IL12RB2: variants seen among roughly 807,000 people sequenced by gnomAD.
IL12RB2 encodes the protein interleukin 12 receptor subunit beta 2.
IL12RB2 carries 82 observed loss-of-function variants against 89.4 expected under a neutral mutation model. That is an observed-to-expected ratio of 0.92 (90% CI 0.77 to 1.10). The LOEUF (loss-of-function observed/expected upper bound fraction) is 1.10. IL12RB2 is among the 50% of genes least tolerant of loss of function. The probability of loss-of-function intolerance (pLI) is 0.00; values close to 1 mark genes in which losing one functional copy is unlikely to be tolerated. For missense variants in IL12RB2, 963 were observed against 1,031.9 expected, an observed-to-expected ratio of 0.93 and a Z score of 0.92; for synonymous variants, 368 against 370.1, an observed-to-expected ratio of 0.99 and a Z score of 0.07.
At chr1:67,311,507 C>T (rs1274057556) in intron 1 of IL12RB2, among the ~76,000 whole-genome samples, 1 of 152,170 alleles carries the variant, frequency 6.6e-6, no homozygotes, top group Non-Finnish European at 1.5e-5. Flanking sequence ...GAATAGGATA[C>T]TAATCATTAC....
At chr1:67,310,455 G>T (rs1161069312) in intron 1 of IL12RB2, among the ~76,000 whole-genome samples, 2 of 152,162 alleles carry the variant, frequency 1.3e-5, no homozygotes, top group Non-Finnish European at 2.9e-5. Context: ...TGTCTTAAAT[G>T]ATAGGTGGCA....
In IL12RB2 at chr1:67,345,746, T is replaced by C. The variant is rs180769001; in HGVS notation, c.1039-5124T>C. 1.6e-4 allele frequency among the ~76,000 whole-genome samples: 25 copies of C among 152,330 alleles called. No individual in the cohort carries two copies. In the East Asian group the frequency reaches 3.5e-3, roughly 21 times the overall value. Reference sequence around the variant, plus strand: ...CAGGCAGGCACAGCATTTCCAAAGATATTTTTGGAAAGAAAGGGCTGCTTT... The same window carrying C: ...CAGGCAGGCACAGCATTTCCAAAGACATTTTTGGAAAGAAAGGGCTGCTTT... On this transcript the variant is annotated intron_variant, in intron 9 of 16. Transcript: ENST00000674203.
chr1:67,319,303 T>C (rs1243017026), intron 2 of IL12RB2, among the ~76,000 whole-genome samples: 2 of 152,248 alleles, frequency 1.3e-5, no homozygotes, highest in Non-Finnish European at 2.9e-5. Flanking sequence ...AATTTGTTAC[T>C]GACCAGTAGA....
intron 4 of IL12RB2, 93 bp from the exon 5 acceptor site, chr1:67,326,642 G>C: frequency 6.5e-7 from 1 of 1,535,070 alleles, no homozygotes; most frequent in South Asian, 1.2e-5. Flanking sequence ...TACGGCATGT[G>C]GGGGACGTAT....
intron 16 of IL12RB2, among the ~76,000 whole-genome samples, chr1:67,393,519 C>T (rs1416348713): frequency 1.3e-5 from 2 of 152,222 alleles, no homozygotes; most frequent in South Asian, 4.1e-4. Context: ...GGCTCAGCTT[C>T]CCAGAGCTGC....
chr1:67,308,449 G>A (rs1654574416), intron 1 of IL12RB2, among the ~76,000 whole-genome samples: 2 of 152,272 alleles, frequency 1.3e-5, no homozygotes, highest in African/African-American at 4.8e-5. Context: ...CCCGGATGAG[G>A]GTGAACTAAC....
chr1:67,341,427 GA>G (rs1452401766), intron 9 of IL12RB2, among the ~76,000 whole-genome samples: 1 of 148,454 alleles, frequency 6.7e-6, no homozygotes, highest in Non-Finnish European at 1.5e-5. Context: ...GGAAGGGAAG[GA>G]AGGAAGGAAG....
chr1:67,357,836 G>A (rs549731049), intron 10 of IL12RB2, among the ~76,000 whole-genome samples: 2 of 152,230 alleles, frequency 1.3e-5, no homozygotes, highest in South Asian at 2.1e-4. Context: ...TCCATAAGGT[G>A]TAAAAAAATG....
intron 9 of IL12RB2, among the ~76,000 whole-genome samples, chr1:67,341,344 G>A (rs1466886028): frequency 2.0e-5 from 3 of 151,744 alleles, no homozygotes; most frequent in Admixed American, 6.6e-5. Flanking sequence ...CCTTGAACCC[G>A]GGAGGCAGAG....
At chr1:67,382,515 G>A (rs6672396) in intron 14 of IL12RB2, among the ~76,000 whole-genome samples, 70,985 of 151,918 alleles carry the variant, frequency 0.47, 18,760 homozygotes, top group Non-Finnish European at 0.58. Flanking sequence ...ACATGGTCCT[G>A]TTTACCCATC....
intron 10 of IL12RB2, 101 bp from the exon 11 acceptor site, chr1:67,367,723 TA>T (rs1662861129): frequency 2.6e-6 from 2 of 780,262 alleles, no homozygotes; most frequent in East Asian, 4.9e-5. Flanking sequence ...AGATTCTTCC[TA>T]AAACTTTTTC....
chr1:67,324,503 G>A (rs889790422), intron 4 of IL12RB2, among the ~76,000 whole-genome samples: 3 of 151,988 alleles, frequency 2.0e-5, no homozygotes, highest in Admixed American at 6.6e-5. Context: ...TTATAGACAC[G>A]CACCACCATG....
chr1:67,396,172 C>A lies in IL12RB2; in HGVS notation c.*83C>A. 1.1e-6 allele frequency: 1 copy of A among 870,786 alleles called. No individual in the cohort carries two copies. Among genetic ancestry groups the A allele is most frequent in the Non-Finnish European group, 1.9e-6 (1 of 513,448 alleles). 53.9% of individuals were successfully genotyped at this position (870,786 alleles called of 1,614,324 possible). On this transcript the variant is annotated 3_prime_UTR_variant, in exon 17 of 17. Transcript: ENST00000674203. ...ATTCCCCCAGCCCCTGCTCCAGCAG[C>A]TGTCATCTCTGGGTGCCACCATCGG... is the stretch of plus-strand genomic sequence containing the variant.
chr1:67,372,401 G>C (rs1174135941), intron 11 of IL12RB2, 35 bp from the exon 12 acceptor site: 1 of 1,107,458 alleles, frequency 9.0e-7, no homozygotes, highest in African/African-American at 1.5e-5. Flanking sequence ...ACCAGTAATG[G>C]CACGGCTGTT....
intron 9 of IL12RB2, among the ~76,000 whole-genome samples, chr1:67,344,683 CT>C (rs920945800): frequency 3.3e-5 from 5 of 152,138 alleles, no homozygotes; most frequent in African/African-American, 9.7e-5. Flanking sequence ...ATTTTATAAC[CT>C]TTTTATCCTA....
rs559629632 is a variant in IL12RB2 at position 67,389,542 on chromosome 1, C to CT, written c.1947-481dup. ...ATATTTCAGATATTTCCCTATAATA[C>CT]TTTTTTCTTGGCATTTTTAACATGG... On this transcript the variant is annotated intron_variant, in intron 15 of 16. Transcript: ENST00000674203. Among the ~76,000 whole-genome samples, 108 of 152,242 alleles carry CT rather than the reference C, an allele frequency of 7.1e-4. 2 individuals carry two copies. In the South Asian group the frequency reaches 0.019, roughly 27 times the overall value.
chr1:67,333,720 G>A (rs1658399366), intron 8 of IL12RB2, among the ~76,000 whole-genome samples: 2 of 152,158 alleles, frequency 1.3e-5, no homozygotes, highest in South Asian at 4.1e-4. Context: ...TAGTGACACT[G>A]GGAAGAGAGC....
At chr1:67,340,170 C>T (rs1364877077) in intron 9 of IL12RB2, among the ~76,000 whole-genome samples, 4 of 152,142 alleles carry the variant, frequency 2.6e-5, no homozygotes, top group South Asian at 2.1e-4. Flanking sequence ...ACACATAAAA[C>T]GTCTGGTATA....
intron 1 of IL12RB2, among the ~76,000 whole-genome samples, chr1:67,309,903 G>A (rs1313098101): frequency 2.0e-5 from 3 of 152,068 alleles, no homozygotes; most frequent in Non-Finnish European, 4.4e-5. Flanking sequence ...GGCGGGACAC[G>A]GTGTCTCATA....
Sources: gnomAD v4.1 joint callset for allele counts (sites outside exome capture counted in the v4.1 genomes callset) on GRCh38, gnomAD v4.1.1 for gene constraint, MANE v1.5 for transcripts, NCBI Gene and HGNC (gene_info 2026-07-23, HGNC 2026-07-21) for gene names.